C1QL1: variants seen among roughly 807,000 people sequenced by gnomAD.
The protein encoded by C1QL1 is C1q-related factor.
Under a neutral mutation model 14.2 loss-of-function variants are expected in C1QL1, and 15 were observed. That is an observed-to-expected ratio of 1.06 (90% confidence interval 0.71 to 1.62). C1QL1 has a LOEUF of 1.62. Ranked by LOEUF, C1QL1 falls within the 40% of genes most tolerant of loss-of-function variation. C1QL1 has a pLI of 0.00. For synonymous variants in C1QL1, 172 were observed against 172.4 expected, an observed-to-expected ratio of 1.00 and a Z score of 0.02; for missense variants, 346 against 380.3, an observed-to-expected ratio of 0.91 and a Z score of 0.75.
In C1QL1 at chr17:44,960,383, A is replaced by G; in HGVS notation, c.598-16T>C. The G allele has an allele frequency of 1.2e-6, 2 of 1,604,594 alleles. No homozygotes were observed. The highest frequency in any genetic ancestry group is 1.3e-5 in the African/African-American group (1 of 74,788). On this transcript the variant is annotated splice_polypyrimidine_tract_variant and intron_variant, in intron 1 of 1. Coordinates refer to ENST00000253407, the MANE Select transcript of C1QL1 (RefSeq NM_006688.5). ...TGGCCCGCACCTGCGGGTGGGGGAC[A>G]CGGGAGGGAGGGCGAGAGGAGAGAG... is the stretch of plus-strand genomic sequence containing the variant.
Position 44,959,924 on chromosome 17 carries a change from A to C in C1QL1, c.*264T>G. On this transcript the variant is annotated 3_prime_UTR_variant, in exon 2 of 2. Transcript: ENST00000253407. ...GCGGAGGTGGGCAGTAAACAGTCCT[A>C]TTGTACAAATATATAGCGCGGGCTG... The C allele has an allele frequency of 2.6e-4, 108 of 414,456 alleles. No individual in the cohort carries two copies. Among genetic ancestry groups the C allele is most frequent in the Middle Eastern group, 6.9e-4 (1 of 1,446 alleles). 25.7% of individuals were successfully genotyped at this position (414,456 alleles called of 1,614,324 possible). A position where few individuals can be genotyped will look rare whatever the true frequency, so the allele number is the denominator to read the frequency against.
At chr17:44,965,825 A>G (rs2052654611) in intron 1 of C1QL1, among the ~76,000 whole-genome samples, 1 of 152,250 alleles carries the variant, frequency 6.6e-6, no homozygotes, top group Non-Finnish European at 1.5e-5. Flanking sequence ...GCTCTGTGTC[A>G]GCCCAAACTT....
chr17:44,966,675 T>C (rs978117906), intron 1 of C1QL1, among the ~76,000 whole-genome samples: 2 of 151,902 alleles, frequency 1.3e-5, no homozygotes, highest in African/African-American at 4.8e-5. Context: ...GGACGGAGAA[T>C]GGAGAGGACC....
intron 1 of C1QL1, among the ~76,000 whole-genome samples, chr17:44,963,589 T>C (rs2052639994): frequency 6.6e-6 from 1 of 151,926 alleles, no homozygotes; most frequent in Admixed American, 6.6e-5. Context: ...CACCCGGCTA[T>C]GTTTTTTTGT....
chr17:44,968,011 AC>A lies in C1QL1; in HGVS notation c.37del (p.Val13Ter). The A allele has an allele frequency of 7.2e-7, 1 of 1,387,160 alleles. No individual in the cohort carries two copies. Among genetic ancestry groups the A allele is most frequent in the Non-Finnish European group, 9.4e-7 (1 of 1,066,584 alleles). 85.9% of individuals were successfully genotyped at this position (1,387,160 alleles called of 1,614,324 possible). ...GTGGCCTTCCGGGCCGCCCGAGCTCACCAGCACGGGGATGAGCACCACCAGC... is the reference window on the plus strand; with the variant it reads ...GTGGCCTTCCGGGCCGCCCGAGCTCACAGCACGGGGATGAGCACCACCAGC... ...LVLVVLIPVL[V>X]SSGGPEGHYE... is the part of the protein sequence containing the mutation. On this transcript the variant is annotated frameshift_variant, in exon 1 of 2. Transcript: ENST00000253407. LOFTEE classifies it high-confidence loss of function.
rs116069425 is a variant in C1QL1 at position 44,966,228 on chromosome 17, T to C, written c.597+1224A>G. On this transcript the variant is annotated intron_variant, in intron 1 of 1. Transcript: ENST00000253407. ...CAGAGGAAAGAGAAGAAGGGCTGACTTATAAGCACCTGGCAGGCTATCTGC... is the reference window on the plus strand; with the variant it reads ...CAGAGGAAAGAGAAGAAGGGCTGACCTATAAGCACCTGGCAGGCTATCTGC... 5.8e-3 allele frequency among the ~76,000 whole-genome samples: 889 copies of C among 152,304 alleles called. 4 individuals are homozygous for C. The highest frequency in any genetic ancestry group is 0.017 in the Middle Eastern group (5 of 294).
chr17:44,960,549 A>C (rs3024298), intron 1 of C1QL1, among the ~76,000 whole-genome samples, 182 bp from the exon 2 acceptor site: 9,996 of 152,248 alleles, frequency 0.066, 622 homozygotes, highest in African/African-American at 0.17. Flanking sequence ...GTTTCAGGAA[A>C]GGGGCAGAGA....
At position 44,967,807 on chromosome 17, in the gene C1QL1, G is replaced by A. The variant is rs1234891422; in HGVS notation, c.242C>T (p.Pro81Leu). 4.1e-5 allele frequency: 59 copies of A among 1,431,630 alleles called. No homozygotes were observed. The highest frequency in any genetic ancestry group is 5.3e-5 in the Non-Finnish European group (59 of 1,107,976). The allele number at this position is 1,431,630 out of a possible 1,614,324, so 88.7% of individuals were successfully genotyped here. The stretch of plus-strand genomic sequence containing the variant: ...AGGACCTGGGTCCCCGGGAGGCCCC[G>A]GAGGGCCGGGCTTGCCGGTGCGGCC... ...KPGRTGKPGP[P>L]GPPGDPGPPG... Residue 81 changes from proline (P) to leucine (L), a missense_variant, in exon 1 of 2, where the codon CCG becomes CTG. Pro to Leu is a moderately conservative substitution (Grantham distance 98). Coordinates refer to ENST00000253407, the MANE Select transcript of C1QL1 (RefSeq NM_006688.5). The surrounding 1 kb of genome is among the most constrained non-coding windows in gnomAD (Gnocchi z 7.0).
chr17:44,960,040 G>T lies in C1QL1; in HGVS notation c.*148C>A, dbSNP rs556541497. ...GAGCCGGTGGGAGGGCCTAGCTGTGGCCCAGGCGGTGTTGAGCACGGGCCG... is the reference window on the plus strand; with the variant it reads ...GAGCCGGTGGGAGGGCCTAGCTGTGTCCCAGGCGGTGTTGAGCACGGGCCG... On this transcript the variant is annotated 3_prime_UTR_variant, in exon 2 of 2. Transcript: ENST00000253407. The T allele has an allele frequency of 9.2e-4, 660 of 713,604 alleles. 1 individual carries two copies. The highest frequency in any genetic ancestry group is 1.4e-3 in the Non-Finnish European group (589 of 408,572). The allele number at this position is 713,604 out of a possible 1,614,324, so 44.2% of individuals were successfully genotyped here.
intron 1 of C1QL1, among the ~76,000 whole-genome samples, chr17:44,962,118 A>T (rs1410162397): frequency 6.6e-6 from 1 of 151,842 alleles, no homozygotes; most frequent in Non-Finnish European, 1.5e-5. Flanking sequence ...TCTCTCAGCC[A>T]GGTTTCTCCA....
chr17:44,962,304 T>A (rs2052632787), intron 1 of C1QL1, among the ~76,000 whole-genome samples: 1 of 152,198 alleles, frequency 6.6e-6, no homozygotes, highest in South Asian at 2.1e-4. Context: ...GATGCTGCAA[T>A]GAAGAGGACC....
intron 1 of C1QL1, 108 bp from the exon 2 acceptor site, chr17:44,960,475 TC>T: frequency 1.3e-6 from 1 of 744,856 alleles, no homozygotes; most frequent in Non-Finnish European, 2.3e-6. Context: ...AAACCTGGCC[TC>T]CAGCCTCGCC....
chr17:44,964,825 G>A (rs1343216953), intron 1 of C1QL1, among the ~76,000 whole-genome samples: 1 of 115,926 alleles, frequency 8.6e-6, no homozygotes, highest in South Asian at 2.8e-4. Context: ...TTTTCTTTTC[G>A]TTTTTATCTT....
chr17:44,960,786 C>T (rs1442066481), intron 1 of C1QL1, among the ~76,000 whole-genome samples: 1 of 152,202 alleles, frequency 6.6e-6, no homozygotes, highest in Non-Finnish European at 1.5e-5. Flanking sequence ...CATAATGATG[C>T]CATCGTTTCA....
Position 44,967,428 on chromosome 17 carries a change from G to A in C1QL1, c.597+24C>T. On this transcript the variant is annotated intron_variant, in intron 1 of 1. Coordinates refer to ENST00000253407, the MANE Select transcript of C1QL1 (RefSeq NM_006688.5). The surrounding 1 kb of genome is among the most constrained non-coding windows in gnomAD (Gnocchi z 7.0). The stretch of plus-strand genomic sequence containing the variant: ...CCCTGGGTGCCCTGGGCCCAGCCCA[G>A]CCCCATGCCCCCGCCTGGCCCACCT... 1 of 1,608,598 alleles carries A rather than the reference G, an allele frequency of 6.2e-7. No homozygotes were observed. The highest frequency in any genetic ancestry group is 1.1e-5 in the South Asian group (1 of 90,704).
At chr17:44,965,915 G>T (rs1186447622) in intron 1 of C1QL1, among the ~76,000 whole-genome samples, 2 of 152,244 alleles carry the variant, frequency 1.3e-5, no homozygotes, top group Non-Finnish European at 2.9e-5. Context: ...GGAATCATGG[G>T]GCTGTCTGCA....
intron 1 of C1QL1, among the ~76,000 whole-genome samples, chr17:44,965,633 T>C (rs2052653884): frequency 6.6e-6 from 1 of 152,150 alleles, no homozygotes; most frequent in Non-Finnish European, 1.5e-5. Flanking sequence ...TTTGAGATGG[T>C]TTTACCTCCC....
chr17:44,960,285 CCGG>C lies in C1QL1; in HGVS notation c.677_679del (p.Ala226del). 1 of 1,614,196 alleles carries C rather than the reference CCGG, an allele frequency of 6.2e-7. No individual in the cohort carries two copies. The highest frequency in any genetic ancestry group is 1.7e-4 in the Middle Eastern group (1 of 6,060). The stretch of plus-strand genomic sequence containing the variant: ...ATCCAGCTTGATGAAGACCTCGTCG[CCGG>C]CGTCCAGGTGCAGGATCACGCTGTT... On this transcript the variant is annotated inframe_deletion, in exon 2 of 2. Coordinates refer to ENST00000253407, the MANE Select transcript of C1QL1 (RefSeq NM_006688.5).
rs766030601 is a variant in C1QL1, at chr17:44,967,706, C to T, written c.343G>A (p.Gly115Ser). 47 of 1,610,456 alleles carry T rather than the reference C, an allele frequency of 2.9e-5. No individual in the cohort carries two copies. The highest frequency in any genetic ancestry group is 4.5e-5 in the East Asian group (2 of 44,822). ...PGPPGLPGAG[G>S]SGAISTATYT... ...GTGGCAGTGCTGATGGCGCCGCTGC[C>T]CCCCGCGCCCGGCAGCCCCGGAGGG... The change falls in exon 1 of 2, where the codon GGC (glycine) becomes AGC (serine). Residue 115 changes from glycine (G) to serine (S), a missense_variant. Gly to Ser is a moderately conservative substitution (Grantham distance 56, BLOSUM62 0). Transcript: ENST00000253407. The surrounding 1 kb of genome is among the most constrained non-coding windows in gnomAD (Gnocchi z 7.0).
Sources: allele counts gnomAD v4.1 joint callset (sites outside exome capture counted in the v4.1 genomes callset), GRCh38; gene constraint gnomAD v4.1.1; non-coding constraint Gnocchi (gnomAD v3.1); transcripts MANE v1.5; gene names NCBI Gene and HGNC (gene_info 2026-07-23, HGNC 2026-07-21).